The following PLCH1 variants were observed in gnomAD, a reference collection of about 807,000 sequenced individuals.
PLCH1 encodes 1-phosphatidylinositol 4,5-bisphosphate phosphodiesterase eta-1.
PLCH1 carries 60 observed loss-of-function variants against 126.7 expected under a neutral mutation model. The observed-to-expected ratio is 0.47, with a 90% CI of 0.38 to 0.59. The LOEUF (loss-of-function observed/expected upper bound fraction) is 0.59. Among genes scored for constraint, PLCH1 ranks in the 20% least tolerant of loss-of-function variants. The pLI is 0.00. For synonymous variants in PLCH1, 719 were observed against 734.9 expected, an observed-to-expected ratio of 0.98 and a Z score of 0.35; for missense variants, 1,723 against 2,040.0, an observed-to-expected ratio of 0.84 and a Z score of 2.99.
At chr3:155,470,132 TACGGGATGACATTCAA>T (rs1451884805) in intron 21 of PLCH1, among the ~76,000 whole-genome samples, 1 of 151,640 alleles carries the variant, frequency 6.6e-6, no homozygotes, top group East Asian at 1.9e-4. Context: ...TACTCTGAGC[TACGGGATGACATTCAA>T]ACCAAAGGCA....
chr3:155,520,205 T>C (rs1169936332), intron 11 of PLCH1, among the ~76,000 whole-genome samples: 2 of 152,234 alleles, frequency 1.3e-5, no homozygotes, highest in Non-Finnish European at 2.9e-5. Context: ...CAGCAAGACC[T>C]TGTAACCTCA....
intron 21 of PLCH1, among the ~76,000 whole-genome samples, chr3:155,470,610 A>C (rs1388001548): frequency 3.3e-5 from 5 of 152,162 alleles, no homozygotes; most frequent in Non-Finnish European, 7.3e-5. Flanking sequence ...GAGCAACTCC[A>C]AGACACATAA....
chr3:155,620,909 T>C lies in PLCH1; in HGVS notation c.80-24531A>G, dbSNP rs182439601. On this transcript the variant is annotated intron_variant, in intron 2 of 22. Coordinates refer to ENST00000460012, the MANE Select transcript of PLCH1 (RefSeq NM_014996.4). Reference sequence around the variant, plus strand: ...ATCTCCCAGCACAGTGTTTGAACTCTGATAAGGGACAGACTGCCTCCTCAA... The same window carrying C: ...ATCTCCCAGCACAGTGTTTGAACTCCGATAAGGGACAGACTGCCTCCTCAA... 1.3e-3 allele frequency among the ~76,000 whole-genome samples: 196 copies of C among 152,302 alleles called. 1 individual carries two copies. Among genetic ancestry groups the C allele is most frequent in the Non-Finnish European group, 2.3e-3 (158 of 68,004 alleles).
Position 155,537,223 on chromosome 3 carries a change from A to AAAAAAC in PLCH1, c.1362+12563_1362+12564insGTTTTT, listed in dbSNP as rs1723542383. ...AAACCAAAAAAAAAAAAAAAAAAAA[A>AAAAAAC]AAAAAAAAAACCTAAAAGGAGTGCT... On this transcript the variant is annotated intron_variant, in intron 10 of 22. Transcript: ENST00000460012. Among the ~76,000 whole-genome samples the AAAAAAC allele has an allele frequency of 2.8e-4, 3 of 10,782 alleles. No homozygotes were observed. In the Non-Finnish European group the frequency reaches 3.0e-3, roughly 11 times the overall value. 7.1% of individuals were successfully genotyped at this position (10,782 alleles called of 152,430 possible).
intron 2 of PLCH1, among the ~76,000 whole-genome samples, chr3:155,656,656 G>A (rs1430804992): frequency 1.3e-5 from 2 of 152,206 alleles, no homozygotes; most frequent in South Asian, 4.1e-4. Flanking sequence ...TTGTGAGTAT[G>A]TGTGTGCCTG....
intron 2 of PLCH1, among the ~76,000 whole-genome samples, chr3:155,672,515 C>G (rs1743616181): frequency 6.6e-6 from 1 of 152,142 alleles, no homozygotes; most frequent in Non-Finnish European, 1.5e-5. Context: ...ACTGATTATG[C>G]AAGCAATATG....
At chr3:155,460,135 G>GTTC (rs1712654130) in intron 21 of PLCH1, among the ~76,000 whole-genome samples, 5 of 152,190 alleles carry the variant, frequency 3.3e-5, no homozygotes, top group African/African-American at 1.2e-4. Flanking sequence ...AACATAGGAT[G>GTTC]ATGCTGGACA....
chr3:155,699,082 C>CTT (rs796347387), intron 2 of PLCH1, among the ~76,000 whole-genome samples: 1 of 127,748 alleles, frequency 7.8e-6, no homozygotes, highest in African/African-American at 2.9e-5. Context: ...AATCTTTTAT[C>CTT]TTTTTTTTTT....
chr3:155,568,263 T>C lies in PLCH1; in HGVS notation c.833A>G (p.Glu278Gly). The change falls in exon 7 of 23, where the codon GAA (glutamate) becomes GGA (glycine). Residue 278 changes from glutamate (E) to glycine (G), a missense_variant. Glu to Gly is a moderately conservative substitution (Grantham distance 98). Coordinates refer to ENST00000460012, the MANE Select transcript of PLCH1 (RefSeq NM_014996.4). The part of the protein sequence containing the change: ...DIIKKFEVSE[E>G]NKVKNVLGIE... The stretch of plus-strand genomic sequence containing the variant: ...GCCAAGAACATTTTTCACCTTATTT[T>C]CTTCTGAAACTTCAAACTTCTTTAT... 1 of 1,523,088 alleles carries C rather than the reference T, an allele frequency of 6.6e-7. No individual in the cohort carries two copies. The highest frequency in any genetic ancestry group is 9.1e-7 in the Non-Finnish European group (1 of 1,098,936). The allele number at this position is 1,523,088 out of a possible 1,614,324, so 94.3% of individuals were successfully genotyped here.
At chr3:155,589,270 T>C (rs1731790413) in intron 4 of PLCH1, among the ~76,000 whole-genome samples, 1 of 152,150 alleles carries the variant, frequency 6.6e-6, no homozygotes, top group African/African-American at 2.4e-5. Context: ...TATTCCACTC[T>C]GTCACTGTTA....
At chr3:155,713,313 T>C (rs2109111450) in intron 1 of PLCH1, among the ~76,000 whole-genome samples, 1 of 152,268 alleles carries the variant, frequency 6.6e-6, no homozygotes, top group Admixed American at 6.5e-5. Context: ...AAAAAATGCA[T>C]ACCTTGTCCC....
chr3:155,562,194 T>G (rs7633176), intron 8 of PLCH1, among the ~76,000 whole-genome samples: 13,179 of 152,258 alleles, frequency 0.087, 747 homozygotes, highest in African/African-American at 0.16. Context: ...CCCTTAGCAC[T>G]GACCTCCTCC....
At chr3:155,651,155 A>T (rs1740672527) in intron 2 of PLCH1, among the ~76,000 whole-genome samples, 3 of 152,236 alleles carry the variant, frequency 2.0e-5, no homozygotes, top group Admixed American at 2.0e-4. Context: ...AGGGGGAAAA[A>T]TGTAGCACCA....
At chr3:155,597,421 C>G (rs1453248245) in intron 2 of PLCH1, among the ~76,000 whole-genome samples, 1 of 152,114 alleles carries the variant, frequency 6.6e-6, no homozygotes, top group African/African-American at 2.4e-5. Context: ...TATCCAGTAC[C>G]CTTCCAAATA....
intron 21 of PLCH1, among the ~76,000 whole-genome samples, chr3:155,466,453 C>T (rs535049437): frequency 6.6e-6 from 1 of 152,326 alleles, no homozygotes; most frequent in Admixed American, 6.5e-5. Context: ...CCCTCTAAAG[C>T]AGACACAGCT....
chr3:155,472,667 C>T (rs4680184), intron 21 of PLCH1, among the ~76,000 whole-genome samples: 43,378 of 150,242 alleles, frequency 0.29, 6,997 homozygotes, highest in African/African-American at 0.44. Context: ...AACATTGATG[C>T]AAAAATCCTC....
intron 20 of PLCH1, among the ~76,000 whole-genome samples, 178 bp from the exon 21 acceptor site, chr3:155,488,285 C>T (rs1362661330): frequency 2.6e-5 from 4 of 152,096 alleles, no homozygotes; most frequent in Non-Finnish European, 5.9e-5. Context: ...GCAAACCCCG[C>T]CTCCTGGGTT....
At chr3:155,486,360 C>T (rs2108040525) in intron 21 of PLCH1, among the ~76,000 whole-genome samples, 1 of 152,252 alleles carries the variant, frequency 6.6e-6, no homozygotes, top group South Asian at 2.1e-4. Context: ...CATTGTTCAA[C>T]CAATATCCAC....
chr3:155,473,608 G>A (rs1345436733), intron 21 of PLCH1, among the ~76,000 whole-genome samples: 4 of 151,730 alleles, frequency 2.6e-5, no homozygotes, highest in Admixed American at 1.3e-4. Flanking sequence ...AAAAGAGCCC[G>A]CATCGCCAAG....
Sources: allele counts gnomAD v4.1 joint callset (sites outside exome capture counted in the v4.1 genomes callset), GRCh38; gene constraint gnomAD v4.1.1; transcripts MANE v1.5; gene names NCBI Gene and HGNC (gene_info 2026-07-23, HGNC 2026-07-21).